The following TSHZ1 variants were observed in gnomAD, a reference collection of about 807,000 sequenced individuals.
TSHZ1 encodes teashirt homolog 1.
Under a neutral mutation model 67.1 loss-of-function variants are expected in TSHZ1, and 12 were observed. The observed-to-expected ratio is 0.18, with a 90% confidence interval of 0.11 to 0.29. The LOEUF (loss-of-function observed/expected upper bound fraction) is 0.29. Among genes scored for constraint, TSHZ1 ranks in the 10% least tolerant of loss-of-function variants. TSHZ1 has a pLI of 1.00. For missense variants in TSHZ1, 1,305 were observed against 1,413.9 expected (o/e 0.92, Z 1.23); for synonymous variants, 632 against 622.4 (o/e 1.02, Z -0.23).
Position 75,288,187 on chromosome 18 carries a change from T to C in TSHZ1, c.2780T>C (p.Val927Ala). Residue 927 changes from valine (V) to alanine (A), a missense_variant, in exon 2 of 2, where the codon GTG (valine) becomes GCG (alanine). Transcript: ENST00000580243. This position sits in a 1 kb window ranked among gnomAD's most constrained non-coding sequence, Gnocchi z 4.9. ...IMSDLGPQER[V>A]HISKFTGLSM... ...TCGGACTTGGGCCCGCAGGAGAGGG[T>C]GCACATCTCGAAGTTTACTGGGCTC... 1.2e-6 allele frequency: 2 copies of C among 1,614,072 alleles called. No individual in the cohort carries two copies. The highest frequency in any genetic ancestry group is 1.7e-6 in the Non-Finnish European group (2 of 1,180,006).
chr18:75,266,994 CAATT>C (rs2023497469), intron 1 of TSHZ1, among the ~76,000 whole-genome samples: 1 of 152,166 alleles, frequency 6.6e-6, no homozygotes, highest in African/African-American at 2.4e-5. Context: ...TTTACCCAAA[CAATT>C]AAGAGCATTT....
At chr18:75,248,012 C>A (rs1274626966) in intron 1 of TSHZ1, among the ~76,000 whole-genome samples, 1 of 152,060 alleles carries the variant, frequency 6.6e-6, no homozygotes, top group Non-Finnish European at 1.5e-5. Flanking sequence ...GCACTGTTTT[C>A]TCAAATATAA....
At chr18:75,272,718 C>T (rs987794620) in intron 1 of TSHZ1, among the ~76,000 whole-genome samples, 8 of 152,210 alleles carry the variant, frequency 5.3e-5, no homozygotes, top group South Asian at 2.1e-4. Flanking sequence ...AAGGGGAATA[C>T]GTGTCCCATA....
At chr18:75,245,471 G>C (rs937447401) in intron 1 of TSHZ1, 1 of 152,272 alleles carries the variant, frequency 6.6e-6, no homozygotes, top group Middle Eastern at 3.4e-3. Flanking sequence ...CGATGCTGCT[G>C]TGCGTGTCCC....
chr18:75,224,785 G>A (rs945919171), intron 1 of TSHZ1, among the ~76,000 whole-genome samples: 1 of 152,144 alleles, frequency 6.6e-6, no homozygotes, highest in Non-Finnish European at 1.5e-5. Context: ...TGGATGTAGG[G>A]TAGAGGCCTG....
In TSHZ1 at chr18:75,213,934, A is replaced by C. The variant is rs557269236; in HGVS notation, c.40+2018A>C. On this transcript the variant is annotated intron_variant, in intron 1 of 1. Transcript: ENST00000580243. Reference sequence around the variant, plus strand: ...TGTACAGGAACTTGAGAGGGAAAAAACCCTAAAAAATGGAGCCAAAATATA... The same window carrying C: ...TGTACAGGAACTTGAGAGGGAAAAACCCCTAAAAAATGGAGCCAAAATATA... Among the ~76,000 whole-genome samples, 5 of 152,294 alleles carry C rather than the reference A, an allele frequency of 3.3e-5. No individual in the cohort carries two copies. The South Asian group carries it at 1.0e-3, about 32-fold the overall frequency.
At chr18:75,261,165 C>T (rs574654262) in intron 1 of TSHZ1, among the ~76,000 whole-genome samples, 10 of 151,848 alleles carry the variant, frequency 6.6e-5, no homozygotes, top group Non-Finnish European at 1.2e-4. Flanking sequence ...AGGACTACTA[C>T]CCCGCCAAGT....
rs1255274204 is a variant in TSHZ1 at position 75,285,936 on chromosome 18, A to G, written c.529A>G (p.Thr177Ala). 1 of 1,315,846 alleles carries G rather than the reference A, an allele frequency of 7.6e-7. No homozygotes were observed. The allele number at this position is 1,315,846 out of a possible 1,614,324, so 81.5% of individuals were successfully genotyped here. The change falls in exon 2 of 2, where the codon ACC becomes GCC. Residue 177 changes from threonine (T) to alanine (A), a missense_variant. This residue lies in a region of TSHZ1 where 358 missense variants were observed against 375.6 expected (regional missense o/e 0.95). Transcript: ENST00000580243. The stretch of plus-strand genomic sequence containing the variant: ...TGGCCCCACCACGAGCACGCCCAGC[A>G]CCAGCTGCAGCTCCAGCACCAGCCA... ...TTGPTTSTPS[T>A]SCSSSTSHSS...
chr18:75,282,747 C>T (rs1385779098), intron 1 of TSHZ1: 1 of 152,194 alleles, frequency 6.6e-6, no homozygotes, highest in Non-Finnish European at 1.5e-5. Context: ...AAAGGAAGTT[C>T]TGTTGGTCAA....
rs892880440 is a variant in TSHZ1, at chr18:75,236,167, C to T, written c.40+24251C>T. On this transcript the variant is annotated intron_variant, in intron 1 of 1. Transcript: ENST00000580243. Reference sequence around the variant, plus strand: ...TGCTGGCCACCACCCTGCAGCCCTGCAGGTGCCTAAGGGTGCTGGGGCCTC... The same window carrying T: ...TGCTGGCCACCACCCTGCAGCCCTGTAGGTGCCTAAGGGTGCTGGGGCCTC... 5.9e-5 allele frequency among the ~76,000 whole-genome samples: 9 copies of T among 152,204 alleles called. No individual in the cohort carries two copies. The East Asian group carries it at 1.7e-3, about 29-fold the overall frequency.
In TSHZ1 at chr18:75,288,307, A is replaced by T. The variant is rs1438947406; in HGVS notation, c.2900A>T (p.His967Leu). The T allele has an allele frequency of 6.2e-7, 1 of 1,614,210 alleles. No individual in the cohort carries two copies. The highest frequency in any genetic ancestry group is 1.7e-5 in the Admixed American group (1 of 60,026). Reference protein sequence around the residue: ...TKFLKNLDTGHPVFFCNDCAS... With the variant: ...TKFLKNLDTGLPVFFCNDCAS... Reference sequence around the variant, plus strand: ...TTCCTAAAGAACCTGGACACAGGGCATCCTGTTTTCTTTTGCAACGATTGT... The same window carrying T: ...TTCCTAAAGAACCTGGACACAGGGCTTCCTGTTTTCTTTTGCAACGATTGT... Residue 967 changes from histidine to leucine, a missense_variant, in exon 2 of 2, where the codon CAT (histidine) becomes CTT (leucine). His to Leu is a moderately conservative substitution (Grantham distance 99). Around this residue, in one of 3 missense-constraint regions of TSHZ1, gnomAD observed 909 missense variants for 961.8 expected, o/e 0.95. Transcript: ENST00000580243. The surrounding 1 kb of genome is among the most constrained non-coding windows in gnomAD (Gnocchi z 4.9).
intron 1 of TSHZ1, among the ~76,000 whole-genome samples, chr18:75,218,960 A>G (rs554687052): frequency 2.6e-5 from 4 of 152,356 alleles, no homozygotes; most frequent in East Asian, 1.9e-4. Flanking sequence ...AGTCAAGAAT[A>G]CCATTCATGA....
rs903784730 is a variant in TSHZ1, at chr18:75,281,989, C to T, written c.41-3459C>T. Among the ~76,000 whole-genome samples, 2 of 152,156 alleles carry T rather than the reference C, an allele frequency of 1.3e-5. No individual in the cohort carries two copies. The highest frequency in any genetic ancestry group is 2.9e-5 in the Non-Finnish European group (2 of 68,022). ...TGAGTCCCCGTCCCTAGGGCAGGGACTTTATGGACCCCCTCCTTCGACGTC... is the reference window on the plus strand; with the variant it reads ...TGAGTCCCCGTCCCTAGGGCAGGGATTTTATGGACCCCCTCCTTCGACGTC... On this transcript the variant is annotated intron_variant, in intron 1 of 1. Coordinates refer to ENST00000580243, the MANE Select transcript of TSHZ1 (RefSeq NM_001308210.2). The surrounding 1 kb of genome is among the most constrained non-coding windows in gnomAD (Gnocchi z 5.3).
intron 1 of TSHZ1, among the ~76,000 whole-genome samples, chr18:75,222,869 A>G (rs1446304567): frequency 6.6e-6 from 1 of 152,186 alleles, no homozygotes; most frequent in Non-Finnish European, 1.5e-5. Context: ...GTAACTGGCT[A>G]AAGGCATTAG....
chr18:75,268,357 C>CA (rs1048148893), intron 1 of TSHZ1, among the ~76,000 whole-genome samples: 1 of 152,196 alleles, frequency 6.6e-6, no homozygotes, highest in Admixed American at 6.5e-5. Context: ...ATTTTATTTA[C>CA]AGCCAGAGTG....
intron 1 of TSHZ1, among the ~76,000 whole-genome samples, chr18:75,233,664 C>T (rs1031551086): frequency 6.6e-6 from 1 of 152,188 alleles, no homozygotes; most frequent in Non-Finnish European, 1.5e-5. Context: ...GTTTACAGAA[C>T]CCTGAAAGAG....
intron 1 of TSHZ1, among the ~76,000 whole-genome samples, chr18:75,234,137 T>C (rs2023035557): frequency 6.6e-6 from 1 of 152,156 alleles, no homozygotes; most frequent in Non-Finnish European, 1.5e-5. Flanking sequence ...TGTGGGGGAA[T>C]CTTGCACGGC....
intron 1 of TSHZ1, among the ~76,000 whole-genome samples, chr18:75,246,847 C>G (rs556167198): frequency 6.7e-6 from 1 of 150,304 alleles, no homozygotes; most frequent in South Asian, 2.1e-4. Context: ...CTGAAGGCTG[C>G]TATCAAGTAG....
intron 1 of TSHZ1, among the ~76,000 whole-genome samples, chr18:75,276,316 A>G (rs1163656516): frequency 6.6e-6 from 1 of 151,214 alleles, no homozygotes; most frequent in East Asian, 1.9e-4. Context: ...ATCATGTCAG[A>G]GCAAAAGTAG....
Sources: gnomAD v4.1 joint callset for allele counts (sites outside exome capture counted in the v4.1 genomes callset) on GRCh38, gnomAD v4.1.1 for gene constraint, gnomAD v4.1.1 regional missense constraint, Gnocchi (gnomAD v3.1) non-coding constraint, MANE v1.5 for transcripts, NCBI Gene and HGNC (gene_info 2026-07-23, HGNC 2026-07-21) for gene names.